The following MTF1 variants were observed in gnomAD, a reference collection of about 807,000 sequenced individuals.
The protein encoded by MTF1 is metal regulatory transcription factor 1.
Under a neutral mutation model 70.4 loss-of-function variants are expected in MTF1, and 22 were observed. The observed-to-expected ratio is 0.31, with a 90% CI of 0.22 to 0.45. MTF1 has a LOEUF of 0.45. Ranked by LOEUF, MTF1 falls within the 20% of genes least tolerant of loss-of-function variation. The pLI is 1.00. For missense variants in MTF1, 649 were observed against 922.0 expected (o/e 0.70, Z 3.83); for synonymous variants, 333 against 352.8 (o/e 0.94, Z 0.63).
At chr1:37,835,283 T>A in intron 5 of MTF1, 68 bp from the exon 6 acceptor site, 1 of 1,360,570 alleles carries the variant, frequency 7.3e-7, no homozygotes, top group Non-Finnish European at 1.0e-6. Flanking sequence ...AATCTACCTT[T>A]CCCTAATAGA....
In MTF1 at chr1:37,813,120, A is replaced by C. The variant is rs929699661; in HGVS notation, c.*2016T>G. The C allele has an allele frequency of 6.6e-6, 1 of 152,180 alleles. No individual in the cohort carries two copies. The highest frequency in any genetic ancestry group is 6.5e-5 in the Admixed American group (1 of 15,270). 9.4% of individuals were successfully genotyped at this position (152,180 alleles called of 1,614,324 possible). On this transcript the variant is annotated 3_prime_UTR_variant, in exon 11 of 11. Transcript: ENST00000373036. ...ACATGGAGAAACCCCGTCTCTACTA[A>C]AAATACAAAATTAGCCAGGCGTGGT...
rs536434863 is a variant in MTF1 at position 37,857,729 on chromosome 1, G to C, written c.-51-20C>G. On this transcript the variant is annotated intron_variant, in intron 1 of 10. Transcript: ENST00000373036. ...ACTTGTCTGCAACAGAACAAAGCCA[G>C]AGTTAGAGTCATACCACAAGACCGA... 6.7e-7 allele frequency: 1 copy of C among 1,501,426 alleles called. No individual in the cohort carries two copies. The highest frequency in any genetic ancestry group is 9.1e-7 in the Non-Finnish European group (1 of 1,097,500). The allele number at this position is 1,501,426 out of a possible 1,614,324, so 93.0% of individuals were successfully genotyped here.
In MTF1 at chr1:37,816,091, C is replaced by T. The variant is rs114092224; in HGVS notation, c.1832-525G>A. Among the ~76,000 whole-genome samples the T allele has an allele frequency of 7.0e-3, 1,072 of 152,322 alleles. 14 individuals are homozygous for T. The highest frequency in any genetic ancestry group is 0.024 in the African/African-American group (1,012 of 41,568). On this transcript the variant is annotated intron_variant, in intron 10 of 10. Coordinates refer to ENST00000373036, the MANE Select transcript of MTF1 (RefSeq NM_005955.3). ...GCTGTTTTCCTTCCACACCTCTCTC[C>T]TTGCGGTACAGGACCTGCTTGGTTC...
rs143417030 is a variant in MTF1 at position 37,811,350 on chromosome 1, C to T, written c.*3786G>A. 1,289 of 152,756 alleles carry T rather than the reference C, an allele frequency of 8.4e-3. 8 individuals carry two copies. Among genetic ancestry groups the T allele is most frequent in the Non-Finnish European group, 0.014 (934 of 68,038 alleles). 9.5% of individuals were successfully genotyped at this position (152,756 alleles called of 1,614,324 possible). A position where few individuals can be genotyped will look rare whatever the true frequency, so the allele number is the denominator to read the frequency against. On this transcript the variant is annotated 3_prime_UTR_variant, in exon 11 of 11. Transcript: ENST00000373036. ...GTCTCACAGCACAGGGCTGATTGAG[C>T]GGAAAAACGCTGCCAGGCCAGGGCC...
At chr1:37,853,257 T>C (rs12743834) in intron 2 of MTF1, among the ~76,000 whole-genome samples, 76,302 of 151,958 alleles carry the variant, frequency 0.5, 20,317 homozygotes, top group Non-Finnish European at 0.58. Flanking sequence ...TCTAGGAGAG[T>C]ACAGTTCAAA....
At chr1:37,816,253 G>A (rs1640816827) in intron 10 of MTF1, among the ~76,000 whole-genome samples, 1 of 152,200 alleles carries the variant, frequency 6.6e-6, no homozygotes, top group African/African-American at 2.4e-5. Flanking sequence ...TGGGCAGGAT[G>A]AGGTGCAGTG....
intron 7 of MTF1, among the ~76,000 whole-genome samples, chr1:37,831,392 T>C (rs1641084222): frequency 6.6e-6 from 1 of 152,202 alleles, no homozygotes; most frequent in African/African-American, 2.4e-5. Flanking sequence ...TTTCACAGCA[T>C]TCCTGAATCA....
chr1:37,855,168 G>C (rs545141562), intron 2 of MTF1, among the ~76,000 whole-genome samples: 31 of 152,310 alleles, frequency 2.0e-4, no homozygotes, highest in Admixed American at 5.9e-4. Flanking sequence ...TTAAGTAAAT[G>C]GAGGTGGTTA....
chr1:37,852,388 T>C (rs1405227200), intron 2 of MTF1, among the ~76,000 whole-genome samples: 1 of 152,208 alleles, frequency 6.6e-6, no homozygotes, highest in East Asian at 1.9e-4. Flanking sequence ...CCTTTTCCCA[T>C]CTTTCTTGAT....
In MTF1 at chr1:37,815,670, A is replaced by T. The variant is rs1021813205; in HGVS notation, c.1832-104T>A. 1 of 856,140 alleles carries T rather than the reference A, an allele frequency of 1.2e-6. No individual in the cohort carries two copies. The highest frequency in any genetic ancestry group is 2.6e-5 in the Admixed American group (1 of 38,112). The allele number at this position is 856,140 out of a possible 1,614,324, so 53.0% of individuals were successfully genotyped here. On this transcript the variant is annotated intron_variant, in intron 10 of 10. Transcript: ENST00000373036. This position sits in a 1 kb window ranked among gnomAD's most constrained non-coding sequence, Gnocchi z 4.5. ...GTGAGAGCAGAGTGCCATGGGAACC[A>T]TGGGAAGGATGGTTGCCACACTTCG...
chr1:37,858,015 T>TAA (rs71053997), intron 1 of MTF1, among the ~76,000 whole-genome samples: 14,448 of 123,944 alleles, frequency 0.12, 955 homozygotes, highest in East Asian at 0.2. Context: ...CCATCTCTAA[T>TAA]AAAAAAAAAA....
intron 1 of MTF1, 101 bp downstream of exon 1, chr1:37,859,430 C>T (rs1204366386): frequency 2.5e-6 from 1 of 398,398 alleles, no homozygotes; most frequent in African/African-American, 2.1e-5. Context: ...CCTATGGTGA[C>T]CAAACTGAGG....
At position 37,840,408 on chromosome 1, in the gene MTF1, G is replaced by C; in HGVS notation, c.409-250C>G. ...AGATGAATATTCTAAATGAACATAA[G>C]AATGTTTTCAGACTCTATATACATC... On this transcript the variant is annotated intron_variant, in intron 2 of 10. Transcript: ENST00000373036. This position sits in a 1 kb window ranked among gnomAD's most constrained non-coding sequence, Gnocchi z 4.5. 3.6e-6 allele frequency: 2 copies of C among 557,114 alleles called. No homozygotes were observed. Among genetic ancestry groups the C allele is most frequent in the South Asian group, 3.4e-5 (2 of 59,494 alleles). The allele number at this position is 557,114 out of a possible 1,614,324, so 34.5% of individuals were successfully genotyped here.
At chr1:37,846,494 A>G (rs1641334165) in intron 2 of MTF1, among the ~76,000 whole-genome samples, 1 of 151,906 alleles carries the variant, frequency 6.6e-6, no homozygotes, top group South Asian at 2.1e-4. Flanking sequence ...TTACCCTGTT[A>G]GGGAACATGG....
intron 2 of MTF1, among the ~76,000 whole-genome samples, chr1:37,850,124 G>A (rs9726828): frequency 0.29 from 43,064 of 151,076 alleles, 6,109 homozygotes; most frequent in Middle Eastern, 0.38. Context: ...TGTGGTCCCA[G>A]CTACTGTGGA....
Position 37,822,503 on chromosome 1 carries a change from G to C in MTF1, c.1385C>G (p.Pro462Arg). ...GSQQAAFGNP[P>R]ALLQPPEVPV... ...CACTTCTGGAGGTTGTAAGAGAGCA[G>C]GGGGGTTGCCAAATGCAGCTTGCTG... Residue 462 changes from proline (P) to arginine (R), a missense_variant, in exon 9 of 11, where the codon CCT becomes CGT. This residue lies in a region of MTF1 where 267 missense variants were observed against 292.1 expected (regional missense o/e 0.91). Transcript: ENST00000373036. The C allele has an allele frequency of 6.2e-7, 1 of 1,614,124 alleles. No homozygotes were observed.
intron 7 of MTF1, among the ~76,000 whole-genome samples, chr1:37,826,026 G>A (rs1312750500): frequency 6.6e-6 from 1 of 152,182 alleles, no homozygotes. Context: ...TAGCCCCTGT[G>A]TTGTTCAAGG....
intron 7 of MTF1, among the ~76,000 whole-genome samples, chr1:37,830,059 C>CA (rs1308627451): frequency 2.0e-5 from 3 of 152,146 alleles, no homozygotes; most frequent in Non-Finnish European, 2.9e-5. Context: ...AGTCATATGT[C>CA]ATAGTCTTGG....
chr1:37,848,792 A>C (rs1301132200), intron 2 of MTF1, among the ~76,000 whole-genome samples: 7 of 152,224 alleles, frequency 4.6e-5, no homozygotes, highest in Non-Finnish European at 8.8e-5. Context: ...TCACACTTAC[A>C]AGCCATCAGA....
Sources: allele counts gnomAD v4.1 joint callset (sites outside exome capture counted in the v4.1 genomes callset), GRCh38; gene constraint gnomAD v4.1.1; regional missense constraint gnomAD v4.1.1; non-coding constraint Gnocchi (gnomAD v3.1); transcripts MANE v1.5; gene names NCBI Gene and HGNC (gene_info 2026-07-23, HGNC 2026-07-21).